Variants in UBE3D observed in about 807,000 individuals in gnomAD.
UBE3D encodes the protein ubiquitin protein ligase E3D.
Under a neutral mutation model 49.6 loss-of-function variants are expected in UBE3D, and 48 were observed. The observed-to-expected ratio is 0.97, with a 90% CI of 0.77 to 1.23. The LOEUF is 1.23. Ranked by LOEUF, UBE3D falls within the 50% of genes most tolerant of loss-of-function variation. UBE3D has a pLI of 0.00. For missense variants in UBE3D, 452 were observed against 468.4 expected (o/e 0.96, Z 0.32); for synonymous variants, 189 against 174.2 (o/e 1.08, Z -0.67).
At chr6:83,034,111 T>A (rs547396742) in intron 5 of UBE3D, among the ~76,000 whole-genome samples, 1 of 152,322 alleles carries the variant, frequency 6.6e-6, no homozygotes, top group South Asian at 2.1e-4. Flanking sequence ...AATTGTCCAG[T>A]TTTGTACATG....
intron 6 of UBE3D, among the ~76,000 whole-genome samples, chr6:83,023,695 G>A (rs992240540): frequency 6.6e-6 from 1 of 152,134 alleles, no homozygotes; most frequent in African/African-American, 2.4e-5. Context: ...AGGATGCAAA[G>A]GCATAAGAAT....
chr6:83,006,520 A>G lies in UBE3D; in HGVS notation c.1010+12453T>C, dbSNP rs1403239535. 3.3e-5 allele frequency among the ~76,000 whole-genome samples: 5 copies of G among 152,332 alleles called. No individual in the cohort carries two copies. The South Asian group carries it at 1.0e-3, about 32-fold the overall frequency. On this transcript the variant is annotated intron_variant, in intron 8 of 9. Coordinates refer to ENST00000369747, the MANE Select transcript of UBE3D (RefSeq NM_198920.3). ...TTTGACATGTGCAGGAGGAAAGGCCATGCAAGGACACAGAGAGAAAACAGC... is the reference window on the plus strand; with the variant it reads ...TTTGACATGTGCAGGAGGAAAGGCCGTGCAAGGACACAGAGAGAAAACAGC...
chr6:82,912,949 A>C (rs1190963247), intron 9 of UBE3D, among the ~76,000 whole-genome samples: 1 of 152,200 alleles, frequency 6.6e-6, no homozygotes, highest in African/African-American at 2.4e-5. Flanking sequence ...TCACCTGCAA[A>C]AGATGAGGAG....
Position 83,001,690 on chromosome 6 carries a change from G to C in UBE3D, c.1010+17283C>G, listed in dbSNP as rs1779647728. On this transcript the variant is annotated intron_variant, in intron 8 of 9. Coordinates refer to ENST00000369747, the MANE Select transcript of UBE3D (RefSeq NM_198920.3). ...ACTCCATCTGAGAATGTTTGGCCTG[G>C]AGAGAGTAGCAGGTTACCTGAATCT... Among the ~76,000 whole-genome samples, 3 of 152,202 alleles carry C rather than the reference G, an allele frequency of 2.0e-5. No individual in the cohort carries two copies. The South Asian group carries it at 6.2e-4, about 31-fold the overall frequency.
intron 2 of UBE3D, among the ~76,000 whole-genome samples, chr6:83,055,627 G>C (rs1288921696): frequency 6.6e-6 from 1 of 152,204 alleles, no homozygotes; most frequent in African/African-American, 2.4e-5. Flanking sequence ...AATCCTGGGA[G>C]AGCGTTGCTG....
chr6:83,055,300 C>T (rs2127844847), intron 2 of UBE3D, among the ~76,000 whole-genome samples: 1 of 152,094 alleles, frequency 6.6e-6, no homozygotes, highest in Admixed American at 6.5e-5. Flanking sequence ...AGGTCATATC[C>T]ATCAGAATCA....
intron 9 of UBE3D, among the ~76,000 whole-genome samples, chr6:82,897,671 T>C (rs904497687): frequency 2.6e-5 from 4 of 151,978 alleles, no homozygotes; most frequent in Non-Finnish European, 5.9e-5. Flanking sequence ...ACATACAATA[T>C]AAATGTAAAA....
intron 8 of UBE3D, among the ~76,000 whole-genome samples, chr6:82,979,966 T>C (rs1018692416): frequency 1.3e-5 from 2 of 152,182 alleles, no homozygotes; most frequent in African/African-American, 4.8e-5. Context: ...TCTTTATATA[T>C]ACCACATTTT....
chr6:82,910,724 G>A (rs955388944), intron 9 of UBE3D, among the ~76,000 whole-genome samples: 1 of 152,000 alleles, frequency 6.6e-6, no homozygotes, highest in Admixed American at 6.6e-5. Flanking sequence ...AAGAGTCCAA[G>A]AATTAGAATT....
intron 1 of UBE3D, among the ~76,000 whole-genome samples, chr6:83,065,224 C>A (rs949560219): frequency 4.6e-5 from 7 of 152,140 alleles, no homozygotes; most frequent in African/African-American, 7.2e-5. Context: ...AAGAAGCTCA[C>A]ATAGGAACTG....
At chr6:82,907,401 T>A (rs1772179771) in intron 9 of UBE3D, among the ~76,000 whole-genome samples, 1 of 152,340 alleles carries the variant, frequency 6.6e-6, no homozygotes, top group Middle Eastern at 3.4e-3. Context: ...CCAGAAGGCA[T>A]GTTTCACAGT....
rs369695334 is a variant in UBE3D, at chr6:82,977,396, T to C, written c.1011-19946A>G. 2.1e-3 allele frequency among the ~76,000 whole-genome samples: 313 copies of C among 152,284 alleles called. 2 individuals carry two copies. The highest frequency in any genetic ancestry group is 7.2e-3 in the African/African-American group (299 of 41,550). On this transcript the variant is annotated intron_variant, in intron 8 of 9. Transcript: ENST00000369747. ...TCTCTCTACCCAACCTTTCTATCCA[T>C]CCTTTCACCCATCTATCCACCTACA...
chr6:82,983,315 T>A (rs888055734), intron 8 of UBE3D, among the ~76,000 whole-genome samples: 1 of 152,172 alleles, frequency 6.6e-6, no homozygotes, highest in Admixed American at 6.6e-5. Flanking sequence ...CTTTTTGACA[T>A]GACCCTAATA....
chr6:82,972,297 A>G (rs2030041097), intron 8 of UBE3D, among the ~76,000 whole-genome samples: 1 of 152,174 alleles, frequency 6.6e-6, no homozygotes, highest in Admixed American at 6.5e-5. Context: ...AATTCACATG[A>G]ATAAGGCCTG....
chr6:83,042,022 G>A (rs1468010839), intron 4 of UBE3D, among the ~76,000 whole-genome samples: 1 of 151,906 alleles, frequency 6.6e-6, no homozygotes, highest in African/African-American at 2.4e-5. Flanking sequence ...CGATTCTCCT[G>A]CCTCAGCCTC....
At chr6:83,062,039 TTTTTG>T (rs1028517522) in intron 1 of UBE3D, among the ~76,000 whole-genome samples, 1 of 152,198 alleles carries the variant, frequency 6.6e-6, no homozygotes, top group African/African-American at 2.4e-5. Context: ...CCCCATTCCT[TTTTTG>T]TTTAATTTTT....
At chr6:83,015,667 G>A (rs2127764841) in intron 8 of UBE3D, among the ~76,000 whole-genome samples, 1 of 152,142 alleles carries the variant, frequency 6.6e-6, no homozygotes, top group South Asian at 2.1e-4. Flanking sequence ...TCACCTTTAG[G>A]GGCCTGCCAG....
intron 6 of UBE3D, among the ~76,000 whole-genome samples, chr6:83,023,100 TA>T (rs1202683361): frequency 6.6e-6 from 1 of 152,208 alleles, no homozygotes; most frequent in African/African-American, 2.4e-5. Flanking sequence ...ATATCATGGT[TA>T]ACTTGTTTGC....
At chr6:82,951,578 G>A (rs996735940) in intron 9 of UBE3D, among the ~76,000 whole-genome samples, 1 of 152,182 alleles carries the variant, frequency 6.6e-6, no homozygotes, top group Non-Finnish European at 1.5e-5. Flanking sequence ...GCAGAGTTTA[G>A]CCAGAGGGCT....
Sources: gnomAD v4.1 joint callset for allele counts (sites outside exome capture counted in the v4.1 genomes callset) on GRCh38, gnomAD v4.1.1 for gene constraint, MANE v1.5 for transcripts, NCBI Gene and HGNC (gene_info 2026-07-23, HGNC 2026-07-21) for gene names.